GIGYF2: variants seen among roughly 807,000 people sequenced by gnomAD.
GIGYF2 encodes GRB10-interacting GYF protein 2.
GIGYF2 carries 25 observed loss-of-function variants against 208.1 expected under a neutral mutation model. The observed-to-expected ratio is 0.12, with a 90% CI of 0.09 to 0.17. The LOEUF (loss-of-function observed/expected upper bound fraction) is 0.17, where lower values mean the gene tolerates loss of function less well. Among genes scored for constraint, GIGYF2 ranks in the 10% least tolerant of loss-of-function variants. The pLI, the probability that GIGYF2 is intolerant of heterozygous loss-of-function variation, is 1.00. For synonymous variants in GIGYF2, 534 were observed against 543.8 expected, an observed-to-expected ratio of 0.98 and a Z score of 0.25; for missense variants, 1,302 against 1,579.4, an observed-to-expected ratio of 0.82 and a Z score of 2.98.
intron 1 of GIGYF2, among the ~76,000 whole-genome samples, chr2:232,702,763 G>C (rs114254577): frequency 0.028 from 4,271 of 152,250 alleles, 70 homozygotes; most frequent in Non-Finnish European, 0.032. Context: ...TGCATAGGAT[G>C]CATATTGCTG....
chr2:232,717,093 C>A (rs7591176), intron 2 of GIGYF2, among the ~76,000 whole-genome samples: 47,992 of 151,794 alleles, frequency 0.32, 7,943 homozygotes, highest in South Asian at 0.62. Flanking sequence ...GGATTACAGG[C>A]GTGAGCCACC....
At position 232,856,707 on chromosome 2, in the gene GIGYF2, C is replaced by G. The variant is rs1690589488; in HGVS notation, c.3833-86C>G. The G allele has an allele frequency of 4.6e-6, 4 of 864,288 alleles. No homozygotes were observed. The South Asian group carries it at 5.3e-5, about 11-fold the overall frequency. 53.5% of individuals were successfully genotyped at this position (864,288 alleles called of 1,614,324 possible). On this transcript the variant is annotated intron_variant, in intron 28 of 28. Coordinates refer to ENST00000373563, the MANE Select transcript of GIGYF2 (RefSeq NM_001103146.3). ...ACCCTGTCTCACAAACAAACAAACACAGACTTACATTCCAGCTCACCGCCT... is the reference window on the plus strand; with the variant it reads ...ACCCTGTCTCACAAACAAACAAACAGAGACTTACATTCCAGCTCACCGCCT...
chr2:232,815,391 A>G (rs1700877433), intron 18 of GIGYF2, among the ~76,000 whole-genome samples: 1 of 152,208 alleles, frequency 6.6e-6, no homozygotes, highest in South Asian at 2.1e-4. Context: ...GAAACATTAT[A>G]GGGCTTTGTA....
intron 2 of GIGYF2, among the ~76,000 whole-genome samples, chr2:232,723,806 C>G (rs777921040): frequency 2.8e-5 from 4 of 142,760 alleles, no homozygotes; most frequent in Non-Finnish European, 6.0e-5. Flanking sequence ...GATCTCGGCT[C>G]ACCGCAACCT....
intron 8 of GIGYF2, chr2:232,776,627 A>T: frequency 1.6e-6 from 1 of 626,362 alleles, no homozygotes. Context: ...GCTGAGGTTG[A>T]TGTGATTGGT....
At chr2:232,792,899 A>G (rs143610070) in intron 12 of GIGYF2, among the ~76,000 whole-genome samples, 1 of 152,176 alleles carries the variant, frequency 6.6e-6, no homozygotes, top group Non-Finnish European at 1.5e-5. Context: ...TAAAGGTCGA[A>G]ACTCCAGATT....
chr2:232,847,634 C>T (rs199594745), intron 27 of GIGYF2, 63 bp downstream of exon 27: 388 of 1,591,824 alleles, frequency 2.4e-4, no homozygotes, highest in Non-Finnish European at 3.2e-4. Flanking sequence ...GTTGAGTAAC[C>T]CAAGAAATGA....
At chr2:232,793,308 T>TG (rs1700126769) in intron 12 of GIGYF2, among the ~76,000 whole-genome samples, 1 of 152,216 alleles carries the variant, frequency 6.6e-6, no homozygotes, top group Non-Finnish European at 1.5e-5. Context: ...GCAGTCACTA[T>TG]GGGGTAGATA....
intron 3 of GIGYF2, among the ~76,000 whole-genome samples, chr2:232,743,400 G>C (rs1698039855): frequency 6.6e-6 from 1 of 152,200 alleles, no homozygotes; most frequent in Non-Finnish European, 1.5e-5. Context: ...GTATGGAGGA[G>C]ATAAAGATCA....
chr2:232,717,012 C>T (rs58452145), intron 2 of GIGYF2, among the ~76,000 whole-genome samples: 2,298 of 151,016 alleles, frequency 0.015, 68 homozygotes, highest in African/African-American at 0.054. Context: ...TGGGGTTTTG[C>T]CATGTTGCCC....
intron 8 of GIGYF2, among the ~76,000 whole-genome samples, chr2:232,774,474 G>C (rs191558682): frequency 6.6e-6 from 1 of 152,196 alleles, no homozygotes; most frequent in Admixed American, 6.6e-5. Context: ...AGAGAGGAGA[G>C]TTATGACATA....
intron 2 of GIGYF2, among the ~76,000 whole-genome samples, chr2:232,716,474 G>A (rs1037350105): frequency 8.3e-5 from 12 of 144,800 alleles, no homozygotes; most frequent in African/African-American, 2.8e-4. Flanking sequence ...CACCTCCCGC[G>A]TTCAAGCAAT....
chr2:232,821,845 T>TA (rs1701089584), intron 21 of GIGYF2, among the ~76,000 whole-genome samples: 1 of 152,106 alleles, frequency 6.6e-6, no homozygotes, highest in Non-Finnish European at 1.5e-5. Context: ...TTCTGTATGA[T>TA]ATGAGGTATG....
rs1698196810 is a variant in GIGYF2 at position 232,747,698 on chromosome 2, G to A, written c.125G>A (p.Arg42His). ...ALPKYKLADY[R>H]YGREEMLALF... ...CCGAAGTATAAATTAGCAGATTATC[G>A]TTACGGCAGAGAAGAAATGTTAGCA... Residue 42 changes from arginine to histidine, a missense_variant, in exon 4 of 29, where the codon CGT becomes CAT. Physicochemically the swap from Arg to His is conservative, Grantham distance 29. Transcript: ENST00000373563. 1.9e-6 allele frequency: 3 copies of A among 1,613,720 alleles called. No homozygotes were observed. Among genetic ancestry groups the A allele is most frequent in the Non-Finnish European group, 2.5e-6 (3 of 1,179,714 alleles).
rs538107779 is a variant in GIGYF2 at position 232,858,474 on chromosome 2, T to G, written c.*1614T>G. 6 of 455,292 alleles carry G rather than the reference T, an allele frequency of 1.3e-5. No homozygotes were observed. The East Asian group carries it at 4.2e-4, about 32-fold the overall frequency. The allele number at this position is 455,292 out of a possible 1,614,324, so 28.2% of individuals were successfully genotyped here. On this transcript the variant is annotated 3_prime_UTR_variant, in exon 29 of 29. Coordinates refer to ENST00000373563, the MANE Select transcript of GIGYF2 (RefSeq NM_001103146.3). ...GAGGGGAGAGGAAACCATTAAAAGT[T>G]GGGGCTCCTACTCTCCTTTGCTTTG...
In GIGYF2 at chr2:232,711,085, A is replaced by T. The variant is rs562457553; in HGVS notation, c.-44+7596A>T. Among the ~76,000 whole-genome samples, 3 of 147,262 alleles carry T rather than the reference A, an allele frequency of 2.0e-5. No individual in the cohort carries two copies. In the East Asian group the frequency reaches 6.0e-4, roughly 29 times the overall value. ...ATGTATGTATGTTTTAAGTTTATTT[A>T]TGTGTTTTTTATTTGTTAATTTTTT... On this transcript the variant is annotated intron_variant, in intron 2 of 28. Coordinates refer to ENST00000373563, the MANE Select transcript of GIGYF2 (RefSeq NM_001103146.3).
chr2:232,844,596 C>T (rs1369502578), intron 25 of GIGYF2, 22 bp downstream of exon 25: 4 of 1,530,188 alleles, frequency 2.6e-6, no homozygotes, highest in African/African-American at 1.4e-5. Context: ...AATGACCACA[C>T]CTATGCACCT....
At chr2:232,735,770 T>A in intron 3 of GIGYF2, 1 of 985,592 alleles carries the variant, frequency 1.0e-6, no homozygotes, top group Non-Finnish European at 1.2e-6. Flanking sequence ...CAGATGTGTT[T>A]GGACCCCGAA....
At chr2:232,794,095 A>G (rs959475976) in intron 12 of GIGYF2, among the ~76,000 whole-genome samples, 20 of 152,224 alleles carry the variant, frequency 1.3e-4, no homozygotes, top group African/African-American at 4.1e-4. Flanking sequence ...TGAACAAACA[A>G]GATTTCAAAG....
Sources: allele counts gnomAD v4.1 joint callset (sites outside exome capture counted in the v4.1 genomes callset), GRCh38; gene constraint gnomAD v4.1.1; transcripts MANE v1.5; gene names NCBI Gene and HGNC (gene_info 2026-07-23, HGNC 2026-07-21).